Variants in MAML1 observed in about 807,000 individuals in gnomAD.
The protein encoded by MAML1 is mastermind-like protein 1.
A neutral mutation model predicts 77.1 loss-of-function variants in MAML1; 14 were observed. The ratio of observed to expected loss-of-function variants is 0.18; its 90% CI spans 0.12 to 0.28. MAML1 has a LOEUF of 0.28. Among genes scored for constraint, MAML1 ranks in the 10% least tolerant of loss-of-function variants. The pLI is 1.00. For synonymous variants in MAML1, 516 were observed against 551.9 expected (o/e 0.93, Z 0.91); for missense variants, 1,217 against 1,327.8 (o/e 0.92, Z 1.30).
In MAML1 at chr5:179,776,853, T is replaced by G. The variant is rs1007066331; in HGVS notation, c.*1976T>G. On this transcript the variant is annotated 3_prime_UTR_variant, in exon 5 of 5. Transcript: ENST00000292599. ...CCCCCCAGGGAGCTGCCCATGGCTT[T>G]ATTTATGAACCTGGTTTTCGGGAGT... The G allele has an allele frequency of 4.1e-6, 4 of 985,844 alleles. No homozygotes were observed. Among genetic ancestry groups the G allele is most frequent in the Admixed American group, 1.2e-4 (2 of 16,274 alleles). 61.1% of individuals were successfully genotyped at this position (985,844 alleles called of 1,614,324 possible).
In MAML1 at chr5:179,766,506, A is replaced by G. The variant is rs991739885; in HGVS notation, c.1496A>G (p.Asn499Ser). Residue 499 changes from asparagine to serine, a missense_variant, in exon 2 of 5, where the codon AAT (asparagine) becomes AGT (serine). Asn to Ser is a conservative substitution (Grantham distance 46). Coordinates refer to ENST00000292599, the MANE Select transcript of MAML1 (RefSeq NM_014757.5). The surrounding 1 kb of genome is among the most constrained non-coding windows in gnomAD (Gnocchi z 4.0). ...LLSHQPPSNL[N>S]QNSANNQGSV... ...AGTCACCAGCCACCGAGTAACTTGAATCAGAACTCCGCGAATAACCAGGGG... is the reference window on the plus strand; with the variant it reads ...AGTCACCAGCCACCGAGTAACTTGAGTCAGAACTCCGCGAATAACCAGGGG... The G allele has an allele frequency of 2.5e-6, 4 of 1,605,282 alleles. No individual in the cohort carries two copies. Among genetic ancestry groups the G allele is most frequent in the Non-Finnish European group, 2.6e-6 (3 of 1,175,880 alleles).
At position 179,771,793 on chromosome 5, in the gene MAML1, A is replaced by G. The variant is rs1228043951; in HGVS notation, c.2068+550A>G. Among the ~76,000 whole-genome samples the G allele has an allele frequency of 2.0e-5, 3 of 152,174 alleles. No homozygotes were observed. Among genetic ancestry groups the G allele is most frequent in the Non-Finnish European group, 4.4e-5 (3 of 68,026 alleles). ...TAGGCCATCCCTCCAGAAATGCACA[A>G]AGATTTCAGGGAATGGATACAGGAA... On this transcript the variant is annotated intron_variant, in intron 4 of 4. Coordinates refer to ENST00000292599, the MANE Select transcript of MAML1 (RefSeq NM_014757.5). The surrounding 1 kb of genome is among the most constrained non-coding windows in gnomAD (Gnocchi z 4.7).
rs758869741 is a variant in MAML1, at chr5:179,769,559, C to CTT, written c.1971+481_1971+482dup. Among the ~76,000 whole-genome samples, 6 of 145,896 alleles carry CTT rather than the reference C, an allele frequency of 4.1e-5. No individual in the cohort carries two copies. In the South Asian group the frequency reaches 6.5e-4, roughly 16 times the overall value. ...GCACTAAGGGTTACAAGTGAGAGTT[C>CTT]TTTTTTTTTTTTGGAGACAGAGTCT... On this transcript the variant is annotated intron_variant, in intron 3 of 4. Transcript: ENST00000292599. This position sits in a 1 kb window ranked among gnomAD's most constrained non-coding sequence, Gnocchi z 4.2.
intron 3 of MAML1, among the ~76,000 whole-genome samples, chr5:179,770,487 G>C (rs879807942): frequency 2.6e-5 from 4 of 152,082 alleles, no homozygotes; most frequent in Non-Finnish European, 5.9e-5. Flanking sequence ...TTATATTTAT[G>C]TTATGTCATT....
intron 1 of MAML1, among the ~76,000 whole-genome samples, chr5:179,752,565 T>C (rs1235932012): frequency 6.7e-6 from 1 of 148,660 alleles, no homozygotes; most frequent in African/African-American, 2.4e-5. Flanking sequence ...AGTACGTTTG[T>C]ACTGTGTTGA....
At chr5:179,758,335 A>G (rs1289060604) in intron 1 of MAML1, among the ~76,000 whole-genome samples, 4 of 151,856 alleles carry the variant, frequency 2.6e-5, no homozygotes, top group Non-Finnish European at 2.9e-5. Flanking sequence ...AAAAGTGGGA[A>G]TTTTACTAGC....
intron 1 of MAML1, among the ~76,000 whole-genome samples, chr5:179,742,980 A>G (rs942439477): frequency 2.0e-5 from 3 of 152,126 alleles, no homozygotes; most frequent in Non-Finnish European, 4.4e-5. Flanking sequence ...TAGGTCATGA[A>G]AAGCCTTATA....
chr5:179,759,879 T>C (rs1779694018), intron 1 of MAML1, among the ~76,000 whole-genome samples: 1 of 152,086 alleles, frequency 6.6e-6, no homozygotes, highest in African/African-American at 2.4e-5. Flanking sequence ...TGTTAATGAA[T>C]GGAGAGAAGT....
chr5:179,774,638 C>G lies in MAML1; in HGVS notation c.2812C>G (p.Leu938Val), dbSNP rs1292986500. The change falls in exon 5 of 5, where the codon CTG becomes GTG. Residue 938 changes from leucine (L) to valine (V), a missense_variant. This residue lies in a region of MAML1 where 884 missense variants were observed against 949.3 expected (regional missense o/e 0.93). Transcript: ENST00000292599. ...LPGLSPAGPE[L>V]GAFSQSPASQ... The stretch of plus-strand genomic sequence containing the variant: ...TGGCCTGAGCCCAGCAGGGCCTGAG[C>G]TGGGGGCCTTCAGCCAGAGCCCTGC... 1 of 1,611,206 alleles carries G rather than the reference C, an allele frequency of 6.2e-7. No individual in the cohort carries two copies. Among genetic ancestry groups the G allele is most frequent in the Admixed American group, 1.7e-5 (1 of 59,930 alleles).
At chr5:179,768,576 T>TA (rs1779864006) in intron 2 of MAML1, among the ~76,000 whole-genome samples, 1 of 152,244 alleles carries the variant, frequency 6.6e-6, no homozygotes, top group Admixed American at 6.5e-5. Context: ...TATGAAAGCT[T>TA]ACATATGCTT....
intron 2 of MAML1, among the ~76,000 whole-genome samples, chr5:179,768,581 A>G (rs965635807): frequency 1.3e-5 from 2 of 152,256 alleles, no homozygotes; most frequent in East Asian, 3.8e-4. Context: ...AAGCTTACAT[A>G]TGCTTAACGT....
rs1413949392 is a variant in MAML1 at position 179,774,407 on chromosome 5, A to G, written c.2581A>G (p.Thr861Ala). The G allele has an allele frequency of 6.2e-7, 1 of 1,613,056 alleles. No individual in the cohort carries two copies. Among genetic ancestry groups the G allele is most frequent in the South Asian group, 1.1e-5 (1 of 91,086 alleles). Residue 861 changes from threonine to alanine, a missense_variant, in exon 5 of 5, where the codon ACT becomes GCT. Thr to Ala is a moderately conservative substitution (Grantham distance 58). Around this residue, in one of 3 missense-constraint regions of MAML1, gnomAD observed 884 missense variants for 949.3 expected, o/e 0.93. Coordinates refer to ENST00000292599, the MANE Select transcript of MAML1 (RefSeq NM_014757.5). ...TPGNSNVSPF[T>A]AASSFHMQQQ... is the part of the protein sequence containing the mutation. The stretch of plus-strand genomic sequence containing the variant: ...AGGGAACAGCAACGTGAGTCCCTTC[A>G]CTGCAGCCTCCAGTTTCCACATGCA...
chr5:179,742,303 A>G (rs1389320718), intron 1 of MAML1, among the ~76,000 whole-genome samples: 1 of 151,692 alleles, frequency 6.6e-6, no homozygotes, highest in Admixed American at 6.6e-5. Flanking sequence ...AGTCTGGCCA[A>G]TATGGTGAAA....
intron 1 of MAML1, among the ~76,000 whole-genome samples, chr5:179,749,539 G>T (rs1183898385): frequency 2.6e-5 from 4 of 152,172 alleles, no homozygotes; most frequent in Non-Finnish European, 4.4e-5. Flanking sequence ...GGGATTACAG[G>T]CCTGAGCCAC....
At chr5:179,757,028 C>A (rs544974147) in intron 1 of MAML1, among the ~76,000 whole-genome samples, 1 of 151,980 alleles carries the variant, frequency 6.6e-6, no homozygotes, top group Non-Finnish European at 1.5e-5. Context: ...GGGTTTTTAC[C>A]ATATTGGTCT....
At position 179,743,809 on chromosome 5, in the gene MAML1, A is replaced by G. The variant is rs1385838040; in HGVS notation, c.315+10382A>G. Among the ~76,000 whole-genome samples the G allele has an allele frequency of 3.3e-5, 5 of 152,172 alleles. No individual in the cohort carries two copies. In the South Asian group the frequency reaches 8.3e-4, roughly 25 times the overall value. Reference sequence around the variant, plus strand: ...TTTATTAAATTAAATATATGAAATAATACATTTAGGTAACAGTCTTATAAT... The same window carrying G: ...TTTATTAAATTAAATATATGAAATAGTACATTTAGGTAACAGTCTTATAAT... On this transcript the variant is annotated intron_variant, in intron 1 of 4. Transcript: ENST00000292599.
At chr5:179,753,748 C>T (rs933187782) in intron 1 of MAML1, among the ~76,000 whole-genome samples, 6 of 147,720 alleles carry the variant, frequency 4.1e-5, no homozygotes, top group Non-Finnish European at 7.4e-5. Context: ...CTGCAACCTC[C>T]GCCTCCCGGG....
chr5:179,745,914 A>C (rs1216812361), intron 1 of MAML1, among the ~76,000 whole-genome samples: 1 of 150,574 alleles, frequency 6.6e-6, no homozygotes, highest in Non-Finnish European at 1.5e-5. Context: ...TGTGCCTGTA[A>C]TCCCAGCTAC....
At chr5:179,744,067 G>A (rs1779334934) in intron 1 of MAML1, among the ~76,000 whole-genome samples, 1 of 152,088 alleles carries the variant, frequency 6.6e-6, no homozygotes, top group Non-Finnish European at 1.5e-5. Context: ...CCTGGAACTT[G>A]CATTCTTTTT....
Sources: gnomAD v4.1 joint callset for allele counts (sites outside exome capture counted in the v4.1 genomes callset) on GRCh38, gnomAD v4.1.1 for gene constraint, gnomAD v4.1.1 regional missense constraint, Gnocchi (gnomAD v3.1) non-coding constraint, MANE v1.5 for transcripts, NCBI Gene and HGNC (gene_info 2026-07-23, HGNC 2026-07-21) for gene names.